Variants in GLRA3 observed in about 807,000 individuals in gnomAD.
The protein encoded by GLRA3 is glycine receptor subunit alpha-3.
GLRA3 carries 44 observed loss-of-function variants against 60.4 expected under a neutral mutation model. The observed-to-expected ratio is 0.73, with a 90% CI of 0.57 to 0.94. The LOEUF (loss-of-function observed/expected upper bound fraction) is 0.94, where lower values mean the gene tolerates loss of function less well. GLRA3 is among the 40% of genes least tolerant of loss of function. GLRA3 has a pLI of 0.00. For missense variants in GLRA3, 508 were observed against 564.6 expected, an observed-to-expected ratio of 0.90 and a Z score of 1.02; for synonymous variants, 223 against 192.9, an observed-to-expected ratio of 1.16 and a Z score of -1.29.
At chr4:174,823,985 C>T (rs571414317) in intron 1 of GLRA3, among the ~76,000 whole-genome samples, 5 of 152,260 alleles carry the variant, frequency 3.3e-5, no homozygotes, top group South Asian at 2.1e-4. Flanking sequence ...CTATCCTCAT[C>T]GTTGACAAAT....
intron 5 of GLRA3, among the ~76,000 whole-genome samples, chr4:174,703,315 T>A (rs1735394872): frequency 6.6e-6 from 1 of 152,186 alleles, no homozygotes; most frequent in South Asian, 2.1e-4. Flanking sequence ...AGCCATTGCC[T>A]TCATGATTCA....
intron 7 of GLRA3, among the ~76,000 whole-genome samples, chr4:174,663,950 T>C (rs1242427315): frequency 3.9e-5 from 6 of 152,178 alleles, no homozygotes; most frequent in Admixed American, 3.9e-4. Flanking sequence ...TATAACTCTG[T>C]GAATACCAGT....
At chr4:174,785,299 G>A (rs912703405) in intron 2 of GLRA3, among the ~76,000 whole-genome samples, 4 of 151,924 alleles carry the variant, frequency 2.6e-5, no homozygotes, top group Admixed American at 1.3e-4. Flanking sequence ...TTACAAAGTC[G>A]TTTGTATTTT....
chr4:174,697,474 G>A (rs955685578), intron 5 of GLRA3, among the ~76,000 whole-genome samples: 1 of 152,114 alleles, frequency 6.6e-6, no homozygotes, highest in African/African-American at 2.4e-5. Context: ...ATGTCAAAAC[G>A]CATTTAACTA....
rs114437510 is a variant in GLRA3 at position 174,802,775 on chromosome 4, G to A, written c.72-13832C>T. Among the ~76,000 whole-genome samples, 1,482 of 152,158 alleles carry A rather than the reference G, an allele frequency of 9.7e-3. 14 individuals carry two copies. Among genetic ancestry groups the A allele is most frequent in the Non-Finnish European group, 0.016 (1,064 of 67,932 alleles). ...GTAGAAATTTAAAAGAGAAACTTGA[G>A]TCATCAAAATCATAGTCTGAAAATT... On this transcript the variant is annotated intron_variant, in intron 1 of 9. Transcript: ENST00000274093.
chr4:174,756,288 C>T (rs1432720452), intron 3 of GLRA3, among the ~76,000 whole-genome samples: 1 of 152,190 alleles, frequency 6.6e-6, no homozygotes, highest in African/African-American at 2.4e-5. Context: ...CCACACGCCA[C>T]TCTTGACATT....
At position 174,704,044 on chromosome 4, in the gene GLRA3, C is replaced by T. The variant is rs1735422960; in HGVS notation, c.574+11444G>A. 1.9e-5 allele frequency among the ~76,000 whole-genome samples: 2 copies of T among 104,000 alleles called. 1 individual carries two copies. 68.2% of individuals were successfully genotyped at this position (104,000 alleles called of 152,430 possible). A position where few individuals can be genotyped will look rare whatever the true frequency, so the allele number is the denominator to read the frequency against. ...GCACGGTGGCACAGGCATGTAATCC[C>T]ATTTTTTGGGGGTGCTGAGGTGGTT... On this transcript the variant is annotated intron_variant, in intron 5 of 9. Coordinates refer to ENST00000274093, the MANE Select transcript of GLRA3 (RefSeq NM_006529.4).
chr4:174,664,199 A>G (rs1461435650), intron 7 of GLRA3, among the ~76,000 whole-genome samples: 2 of 151,884 alleles, frequency 1.3e-5, no homozygotes, highest in Non-Finnish European at 2.9e-5. Flanking sequence ...GCCCTTTTCT[A>G]TTCTCACTGG....
intron 5 of GLRA3, among the ~76,000 whole-genome samples, chr4:174,694,138 G>A (rs187724264): frequency 3.9e-4 from 60 of 152,126 alleles, no homozygotes; most frequent in Middle Eastern, 3.4e-3. Context: ...CAATAATAGC[G>A]CGAGACTTAA....
intron 7 of GLRA3, among the ~76,000 whole-genome samples, chr4:174,665,433 T>C (rs1290977184): frequency 6.6e-6 from 1 of 152,076 alleles, no homozygotes; most frequent in Non-Finnish European, 1.5e-5. Context: ...AATAATTATA[T>C]TTATTTTTGT....
chr4:174,647,043 G>T (rs1732846405), intron 9 of GLRA3, among the ~76,000 whole-genome samples: 1 of 152,220 alleles, frequency 6.6e-6, no homozygotes, highest in African/African-American at 2.4e-5. Flanking sequence ...TGAATTGGCA[G>T]ATGGATGATC....
intron 5 of GLRA3, among the ~76,000 whole-genome samples, chr4:174,685,648 T>C (rs1734529074): frequency 6.6e-6 from 1 of 152,244 alleles, no homozygotes; most frequent in Admixed American, 6.5e-5. Flanking sequence ...CTGCAATTAA[T>C]AATGATTTGA....
At chr4:174,814,988 A>G (rs992894136) in intron 1 of GLRA3, among the ~76,000 whole-genome samples, 5 of 152,194 alleles carry the variant, frequency 3.3e-5, no homozygotes, top group African/African-American at 1.2e-4. Flanking sequence ...CTCATAAGTG[A>G]CAAGGCATGT....
intron 6 of GLRA3, among the ~76,000 whole-genome samples, chr4:174,682,437 TA>T (rs1012198640): frequency 1.3e-3 from 193 of 151,886 alleles, no homozygotes; most frequent in African/African-American, 4.2e-3. Context: ...AAATGCAATT[TA>T]AAAAAAAATG....
rs561164611 is a variant in GLRA3, at chr4:174,792,618, C to T, written c.72-3675G>A. Among the ~76,000 whole-genome samples the T allele has an allele frequency of 4.6e-5, 7 of 152,238 alleles. No homozygotes were observed. In the East Asian group the frequency reaches 1.2e-3, roughly 25 times the overall value. On this transcript the variant is annotated intron_variant, in intron 1 of 9. Transcript: ENST00000274093. ...ATGGACATATCATTCCAATGCTTTC[C>T]GTTTAACATTTTTGTTAAGTATATT...
At chr4:174,680,423 GA>G (rs1257786262) in intron 6 of GLRA3, among the ~76,000 whole-genome samples, 1 of 152,184 alleles carries the variant, frequency 6.6e-6, no homozygotes. Flanking sequence ...TATAATTTCA[GA>G]TGGTGAAAGC....
At chr4:174,760,127 G>C (rs902493481) in intron 3 of GLRA3, among the ~76,000 whole-genome samples, 2 of 152,138 alleles carry the variant, frequency 1.3e-5, no homozygotes, top group African/African-American at 2.4e-5. Context: ...TTAATTGTGT[G>C]TGTATAATAA....
intron 3 of GLRA3, among the ~76,000 whole-genome samples, chr4:174,750,313 C>T (rs1340085261): frequency 6.6e-6 from 1 of 152,076 alleles, no homozygotes; most frequent in Non-Finnish European, 1.5e-5. Context: ...GGAATGGCTC[C>T]TATGGGTTAT....
At chr4:174,701,159 G>T (rs1270038479) in intron 5 of GLRA3, among the ~76,000 whole-genome samples, 1 of 152,110 alleles carries the variant, frequency 6.6e-6, no homozygotes, top group African/African-American at 2.4e-5. Context: ...CAAAGAACAG[G>T]CTGACTCTCT....
Sources: gnomAD v4.1 joint callset for allele counts (sites outside exome capture counted in the v4.1 genomes callset) on GRCh38, gnomAD v4.1.1 for gene constraint, MANE v1.5 for transcripts, NCBI Gene and HGNC (gene_info 2026-07-23, HGNC 2026-07-21) for gene names.